The following TAFA4 variants were observed in gnomAD, a reference collection of about 807,000 sequenced individuals.
TAFA4 encodes TAFA chemokine like family member 4.
TAFA4 carries 20 observed loss-of-function variants against 21.1 expected under a neutral mutation model. The ratio of observed to expected loss-of-function variants is 0.95; its 90% CI spans 0.67 to 1.38. TAFA4 has a LOEUF of 1.38. Among genes scored for constraint, TAFA4 ranks in the 40% most tolerant of loss-of-function variants. The probability of loss-of-function intolerance (pLI) is 0.00; values close to 1 mark genes in which losing one functional copy is unlikely to be tolerated. For synonymous variants in TAFA4, 71 were observed against 67.4 expected (o/e 1.05, Z -0.26); for missense variants, 211 against 180.9 (o/e 1.17, Z -0.95).
intron 3 of TAFA4, among the ~76,000 whole-genome samples, chr3:68,762,758 G>C (rs555368290): frequency 1.3e-5 from 2 of 152,330 alleles, no homozygotes; most frequent in African/African-American, 4.8e-5. Flanking sequence ...TGATGTTGGG[G>C]CCGGGCACAG....
At chr3:68,931,982 A>T (rs1388200646) in intron 1 of TAFA4, among the ~76,000 whole-genome samples, 1 of 152,096 alleles carries the variant, frequency 6.6e-6, no homozygotes, top group Non-Finnish European at 1.5e-5. Context: ...CCGAAACTGG[A>T]AGCGGCCGCT....
intron 3 of TAFA4, among the ~76,000 whole-genome samples, chr3:68,759,960 C>T (rs1321905410): frequency 6.6e-6 from 1 of 152,098 alleles, no homozygotes; most frequent in African/African-American, 2.4e-5. Context: ...GTGCCAGAGA[C>T]TGTTCTTGGT....
rs188138431 is a variant in TAFA4, at chr3:68,897,145, G to A, written c.-122-11835C>T. ...TCGAACTCATGACCTCAAGTGATCC[G>A]CCCGCCTCGACCTCCCAAAGTGCTG... On this transcript the variant is annotated intron_variant, in intron 1 of 5. Coordinates refer to ENST00000295569, the MANE Select transcript of TAFA4 (RefSeq NM_182522.5). Among the ~76,000 whole-genome samples, 411 of 151,704 alleles carry A rather than the reference G, an allele frequency of 2.7e-3. 3 individuals are homozygous for A. The highest frequency in any genetic ancestry group is 8.9e-3 in the African/African-American group (367 of 41,422).
chr3:68,857,287 T>C (rs1015871428), intron 3 of TAFA4, among the ~76,000 whole-genome samples: 1 of 152,138 alleles, frequency 6.6e-6, no homozygotes, highest in Non-Finnish European at 1.5e-5. Context: ...TAAAGGACAA[T>C]AGTTCCTCTT....
chr3:68,809,432 T>C (rs1013679433), intron 3 of TAFA4, among the ~76,000 whole-genome samples: 2 of 152,158 alleles, frequency 1.3e-5, no homozygotes, highest in African/African-American at 4.8e-5. Flanking sequence ...GTTGCCAATA[T>C]GATTTGTTTG....
intron 3 of TAFA4, among the ~76,000 whole-genome samples, chr3:68,831,550 C>T (rs190693565): frequency 1.3e-5 from 2 of 152,184 alleles, no homozygotes; most frequent in Admixed American, 6.5e-5. Flanking sequence ...GCAATCAGAT[C>T]TGCTGTTAGT....
chr3:68,856,134 C>A (rs1166908081), intron 3 of TAFA4, among the ~76,000 whole-genome samples: 1 of 152,046 alleles, frequency 6.6e-6, no homozygotes, highest in Non-Finnish European at 1.5e-5. Context: ...AAAAAACATG[C>A]TGATTTGGTT....
intron 3 of TAFA4, among the ~76,000 whole-genome samples, chr3:68,853,228 A>AG (rs976592777): frequency 2.1e-5 from 3 of 141,628 alleles, no homozygotes; most frequent in East Asian, 7.3e-4. Context: ...TATAGAGTTA[A>AG]GGAAAAAAAA....
intron 4 of TAFA4, among the ~76,000 whole-genome samples, 163 bp downstream of exon 4, chr3:68,752,700 C>T (rs1177757997): frequency 6.6e-6 from 1 of 152,190 alleles, no homozygotes; most frequent in Non-Finnish European, 1.5e-5. Context: ...CATATCTTAC[C>T]ATCAAGACAT....
At chr3:68,868,755 T>G (rs566633949) in intron 3 of TAFA4, among the ~76,000 whole-genome samples, 1 of 151,924 alleles carries the variant, frequency 6.6e-6, no homozygotes, top group South Asian at 2.1e-4. Flanking sequence ...GCATTAAAAG[T>G]GAAGATTATA....
chr3:68,857,873 T>C (rs1705106293), intron 3 of TAFA4, among the ~76,000 whole-genome samples: 1 of 151,858 alleles, frequency 6.6e-6, no homozygotes, highest in Non-Finnish European at 1.5e-5. Flanking sequence ...CCATATTACC[T>C]GAAGAAATAC....
chr3:68,907,318 C>G (rs1179325038), intron 1 of TAFA4, among the ~76,000 whole-genome samples: 2 of 152,162 alleles, frequency 1.3e-5, no homozygotes, highest in African/African-American at 2.4e-5. Context: ...AGCTTTGTTT[C>G]TAGCCAGCTC....
chr3:68,869,722 A>G (rs979845852), intron 3 of TAFA4, among the ~76,000 whole-genome samples: 4 of 152,060 alleles, frequency 2.6e-5, no homozygotes, highest in African/African-American at 9.7e-5. Flanking sequence ...CAAAACAAAA[A>G]TGGCCATACG....
chr3:68,836,325 G>C (rs931155930), intron 3 of TAFA4, among the ~76,000 whole-genome samples: 23 of 152,144 alleles, frequency 1.5e-4, no homozygotes, highest in Admixed American at 1.4e-3. Flanking sequence ...AGAAGAGAGT[G>C]GTGGCTCAAA....
chr3:68,825,875 A>G (rs1457775673), intron 3 of TAFA4, among the ~76,000 whole-genome samples: 10 of 152,206 alleles, frequency 6.6e-5, no homozygotes, highest in Admixed American at 5.9e-4. Flanking sequence ...TGAAGAGGGA[A>G]TAAGTAAAAC....
chr3:68,808,079 GT>G (rs1703743047), intron 3 of TAFA4, among the ~76,000 whole-genome samples: 1 of 152,048 alleles, frequency 6.6e-6, no homozygotes, highest in African/African-American at 2.4e-5. Flanking sequence ...GCTACAAAAT[GT>G]TTATTAGAAA....
At chr3:68,776,991 C>A (rs1353422223) in intron 3 of TAFA4, among the ~76,000 whole-genome samples, 2 of 151,790 alleles carry the variant, frequency 1.3e-5, no homozygotes, top group African/African-American at 4.8e-5. Flanking sequence ...CTTGGACCAA[C>A]AAAAGCTAAA....
chr3:68,822,605 T>C (rs76937239), intron 3 of TAFA4, among the ~76,000 whole-genome samples: 4,184 of 152,234 alleles, frequency 0.027, 195 homozygotes, highest in African/African-American at 0.096. Flanking sequence ...CCGAGTAGCC[T>C]GGACCACTGA....
At chr3:68,849,362 C>T (rs77892465) in intron 3 of TAFA4, among the ~76,000 whole-genome samples, 3,296 of 152,256 alleles carry the variant, frequency 0.022, 116 homozygotes, top group African/African-American at 0.07. Flanking sequence ...GCCCATTTAT[C>T]GCCCAGGCTT....
Sources: allele counts gnomAD v4.1 joint callset (sites outside exome capture counted in the v4.1 genomes callset), GRCh38; gene constraint gnomAD v4.1.1; transcripts MANE v1.5; gene names NCBI Gene and HGNC (gene_info 2026-07-23, HGNC 2026-07-21).